Variants in VPS13B observed in about 807,000 individuals in gnomAD.
The protein encoded by VPS13B is intermembrane lipid transfer protein VPS13B.
VPS13B carries 285 observed loss-of-function variants against 426.4 expected under a neutral mutation model. That is an observed-to-expected ratio of 0.67 (90% CI 0.61 to 0.74). VPS13B has a LOEUF of 0.74. VPS13B is among the 30% of genes least tolerant of loss of function. VPS13B has a pLI of 0.00. For synonymous variants in VPS13B, 1,676 were observed against 1,676.4 expected (o/e 1.00, Z 0.01); for missense variants, 4,537 against 4,782.6 (o/e 0.95, Z 1.51).
At chr8:99,445,967 T>G (rs1817897864) in intron 23 of VPS13B, among the ~76,000 whole-genome samples, 1 of 152,210 alleles carries the variant, frequency 6.6e-6, no homozygotes. Context: ...CAACCATGCT[T>G]TATAGTGCAG....
chr8:99,586,121 G>A (rs533203947), intron 33 of VPS13B, among the ~76,000 whole-genome samples: 3 of 152,064 alleles, frequency 2.0e-5, no homozygotes, highest in African/African-American at 7.2e-5. Context: ...AACGGGAGAG[G>A]GTATAAGCTT....
At chr8:99,585,153 G>A (rs1443749410) in intron 33 of VPS13B, among the ~76,000 whole-genome samples, 1 of 152,102 alleles carries the variant, frequency 6.6e-6, no homozygotes, top group East Asian at 1.9e-4. Context: ...CTAAGCATTA[G>A]GATTTTTTGG....
At chr8:99,242,422 TG>T (rs1816982115) in intron 17 of VPS13B, among the ~76,000 whole-genome samples, 1 of 152,280 alleles carries the variant, frequency 6.6e-6, no homozygotes, top group Non-Finnish European at 1.5e-5. Context: ...TTTATCAGAA[TG>T]GTTATATTTG....
intron 35 of VPS13B, among the ~76,000 whole-genome samples, chr8:99,673,263 A>G (rs1830792853): frequency 6.6e-6 from 1 of 151,866 alleles, no homozygotes; most frequent in Admixed American, 6.6e-5. Flanking sequence ...GACCCTGGGC[A>G]TTTTTTTGAT....
In VPS13B at chr8:99,666,965, T is replaced by C. The variant is rs536556398; in HGVS notation, c.6046+5474T>C. 1.1e-4 allele frequency among the ~76,000 whole-genome samples: 16 copies of C among 152,330 alleles called. No homozygotes were observed. The South Asian group carries it at 3.3e-3, about 32-fold the overall frequency. ...ACAGGAGCTGTACTTTTGTGTTTCT[T>C]AAGATACTTTTCAAAGTTAGGAATT... On this transcript the variant is annotated intron_variant, in intron 35 of 61. Transcript: ENST00000357162.
intron 35 of VPS13B, among the ~76,000 whole-genome samples, chr8:99,671,466 A>T (rs1830713740): frequency 6.6e-6 from 1 of 152,098 alleles, no homozygotes; most frequent in Admixed American, 6.6e-5. Context: ...TGCTAGGCAG[A>T]AGCTTCTTAG....
rs1232623955 is a variant in VPS13B, at chr8:99,870,882, T to C, written c.11490T>C (p.Tyr3830=). 1.9e-6 allele frequency: 3 copies of C among 1,613,948 alleles called. No individual in the cohort carries two copies. The highest frequency in any genetic ancestry group is 1.3e-5 in the African/African-American group (1 of 74,934). Residue 3830 remains tyrosine, a synonymous_variant, in exon 60 of 62, where the codon TAT becomes TAC. Coordinates refer to ENST00000357162, the MANE Select transcript of VPS13B (RefSeq NM_152564.5). The part of the protein sequence containing the change: ...ADQAPNSHVK[Y]VWKMLQSLGR... ...AGGCTCCAAACAGCCATGTCAAATA[T>C]GTCTGGTAAAATTATTGAGATACGT...
intron 23 of VPS13B, 119 bp downstream of exon 23, chr8:99,442,754 C>G (rs1817736258): frequency 2.0e-6 from 2 of 1,025,628 alleles, no homozygotes; most frequent in Non-Finnish European, 2.9e-6. Context: ...AAGATTTTTC[C>G]TGACCAAAGT....
At chr8:99,478,164 A>G (rs191039579) in intron 24 of VPS13B, among the ~76,000 whole-genome samples, 1 of 151,556 alleles carries the variant, frequency 6.6e-6, no homozygotes, top group East Asian at 1.9e-4. Context: ...ACCTTTGGCC[A>G]ACAAACTGAT....
rs764610100 is a variant in VPS13B, at chr8:99,862,631, A to G, written c.11215+685A>G. ...TGTTTGCAAAAGAATTTAAAACTGT[A>G]TTGCTTGGCAATGTGCCTTCCGCGC... On this transcript the variant is annotated intron_variant, in intron 58 of 61. Coordinates refer to ENST00000357162, the MANE Select transcript of VPS13B (RefSeq NM_152564.5). Among the ~76,000 whole-genome samples, 190 of 152,338 alleles carry G rather than the reference A, an allele frequency of 1.2e-3. 1 individual carries two copies. The highest frequency in any genetic ancestry group is 9.6e-4 in the East Asian group (5 of 5,194).
chr8:99,839,452 A>G (rs1317231597), intron 54 of VPS13B, among the ~76,000 whole-genome samples: 1 of 152,240 alleles, frequency 6.6e-6, no homozygotes, highest in Non-Finnish European at 1.5e-5. Context: ...TGAATAACCA[A>G]TAAATGCAGT....
At chr8:99,244,863 GAC>G (rs916683595) in intron 17 of VPS13B, among the ~76,000 whole-genome samples, 6 of 152,278 alleles carry the variant, frequency 3.9e-5, no homozygotes, top group Middle Eastern at 6.8e-3. Flanking sequence ...ACTGAAGATA[GAC>G]ACACACAAAG....
intron 3 of VPS13B, among the ~76,000 whole-genome samples, chr8:99,088,107 C>T (rs988750964): frequency 6.6e-6 from 1 of 151,258 alleles, no homozygotes; most frequent in Non-Finnish European, 1.5e-5. Context: ...TTGCTTGAAC[C>T]CCCGAGGCAG....
intron 16 of VPS13B, among the ~76,000 whole-genome samples, chr8:99,179,975 A>C (rs965120776): frequency 6.6e-6 from 1 of 152,180 alleles, no homozygotes; most frequent in Non-Finnish European, 1.5e-5. Flanking sequence ...ACTTAAATTA[A>C]ACTAAAATTT....
At chr8:99,677,380 T>C (rs1374380114) in intron 35 of VPS13B, among the ~76,000 whole-genome samples, 1 of 152,198 alleles carries the variant, frequency 6.6e-6, no homozygotes, top group Non-Finnish European at 1.5e-5. Flanking sequence ...CTGAATTTTA[T>C]GGGTTCCAAT....
At chr8:99,449,346 A>T (rs1327138969) in intron 23 of VPS13B, among the ~76,000 whole-genome samples, 1 of 152,176 alleles carries the variant, frequency 6.6e-6, no homozygotes, top group African/African-American at 2.4e-5. Context: ...GCATGGTGGG[A>T]TGGATGAATT....
chr8:99,413,385 C>T (rs1004037342), intron 21 of VPS13B, among the ~76,000 whole-genome samples: 2 of 152,100 alleles, frequency 1.3e-5, no homozygotes, highest in African/African-American at 4.8e-5. Flanking sequence ...GTTTGTATTT[C>T]TGTGGGATCA....
At chr8:99,198,838 C>CT (rs538443493) in intron 17 of VPS13B, among the ~76,000 whole-genome samples, 60 of 151,364 alleles carry the variant, frequency 4.0e-4, no homozygotes, top group African/African-American at 1.5e-3. Context: ...GTTTTCTTGT[C>CT]TTTTTTCCCC....
chr8:99,339,608 G>GTTT (rs113242640), intron 19 of VPS13B, among the ~76,000 whole-genome samples: 8 of 144,092 alleles, frequency 5.6e-5, no homozygotes, highest in African/African-American at 2.0e-4. Flanking sequence ...AACCACGTCA[G>GTTT]TTTTTTTTTT....
Sources: gnomAD v4.1 joint callset for allele counts (sites outside exome capture counted in the v4.1 genomes callset) on GRCh38, gnomAD v4.1.1 for gene constraint, MANE v1.5 for transcripts, NCBI Gene and HGNC (gene_info 2026-07-23, HGNC 2026-07-21) for gene names.